TALDO1: variants seen among roughly 807,000 people sequenced by gnomAD.
TALDO1 encodes the protein transaldolase 1, also known as transaldolase.
A neutral mutation model predicts 38.1 loss-of-function variants in TALDO1; 29 were observed. That is an observed-to-expected ratio of 0.76 (90% confidence interval 0.57 to 1.04). TALDO1 has a LOEUF of 1.04. Among genes scored for constraint, TALDO1 ranks in the 50% least tolerant of loss-of-function variants. The probability of loss-of-function intolerance (pLI) is 0.00; values close to 1 mark genes in which losing one functional copy is unlikely to be tolerated. For synonymous variants in TALDO1, 207 were observed against 176.8 expected (o/e 1.17, Z -1.36); for missense variants, 499 against 438.1 (o/e 1.14, Z -1.24).
chr11:755,538 C>T (rs986286781), intron 1 of TALDO1, among the ~76,000 whole-genome samples: 1 of 152,150 alleles, frequency 6.6e-6, no homozygotes, highest in Non-Finnish European at 1.5e-5. Context: ...CTAGACCGCG[C>T]GCCTCCTTGT....
chr11:762,439 CTA>C (rs1862953684), intron 4 of TALDO1, among the ~76,000 whole-genome samples: 2 of 149,620 alleles, frequency 1.3e-5, no homozygotes, highest in Non-Finnish European at 3.0e-5. Context: ...ACATCTGCTG[CTA>C]TGAACACATC....
At position 763,593 on chromosome 11, in the gene TALDO1, G is replaced by T. The variant is rs889625335; in HGVS notation, c.637+74G>T. 1.4e-5 allele frequency: 22 copies of T among 1,597,394 alleles called. No individual in the cohort carries two copies. The Middle Eastern group carries it at 5.0e-4, about 36-fold the overall frequency. On this transcript the variant is annotated intron_variant, in intron 5 of 7. Coordinates refer to ENST00000319006, the MANE Select transcript of TALDO1 (RefSeq NM_006755.2). Reference sequence around the variant, plus strand: ...ACCTCAGGCAGGAAGAGCCCGAGACGGAGCTGCCGCATCAACAAGCAGTGA... The same window carrying T: ...ACCTCAGGCAGGAAGAGCCCGAGACTGAGCTGCCGCATCAACAAGCAGTGA...
Position 755,863 on chromosome 11 carries a change from A to G in TALDO1, c.98-16A>G, listed in dbSNP as rs1211056641. On this transcript the variant is annotated splice_polypyrimidine_tract_variant and intron_variant, in intron 1 of 7. Coordinates refer to ENST00000319006, the MANE Select transcript of TALDO1 (RefSeq NM_006755.2). ...AGTACTCCACTTACTTTGGCTTTTG[A>G]AAACTATTTCCCTAGCCATCGACGA... 4.3e-6 allele frequency: 7 copies of G among 1,614,136 alleles called. No individual in the cohort carries two copies. The highest frequency in any genetic ancestry group is 5.9e-6 in the Non-Finnish European group (7 of 1,180,030).
intron 1 of TALDO1, among the ~76,000 whole-genome samples, chr11:747,848 G>GCAGCCGTGAGGAGCTGGGGT (rs1438311505): frequency 2.0e-5 from 3 of 152,190 alleles, no homozygotes; most frequent in Non-Finnish European, 2.9e-5. Flanking sequence ...AGGGCCGGGG[G>GCAGCCGTGAGGAGCTGGGGT]CAGCCGTGAG....
intron 1 of TALDO1, among the ~76,000 whole-genome samples, chr11:753,953 G>A (rs932069712): frequency 1.0e-4 from 15 of 150,728 alleles, no homozygotes; most frequent in Admixed American, 3.3e-4. Flanking sequence ...TGGACGTTTT[G>A]AACTGTTTAG....
intron 5 of TALDO1, 109 bp downstream of exon 5, chr11:763,628 G>T: frequency 6.4e-7 from 1 of 1,571,946 alleles, no homozygotes; most frequent in Non-Finnish European, 8.8e-7. Flanking sequence ...AGGTGCACAG[G>T]TCGGCGCGGG....
chr11:753,719 G>A (rs1426685097), intron 1 of TALDO1, among the ~76,000 whole-genome samples: 1 of 151,730 alleles, frequency 6.6e-6, no homozygotes, highest in Non-Finnish European at 1.5e-5. Flanking sequence ...GCAAGACTCC[G>A]TCTCGGAAAA....
intron 1 of TALDO1, 21 bp downstream of exon 1, chr11:747,599 G>A (rs890454702): frequency 1.1e-5 from 17 of 1,548,546 alleles, no homozygotes; most frequent in Admixed American, 9.6e-5. Flanking sequence ...CGCGGAGCCC[G>A]GGCGCGGCGC....
intron 3 of TALDO1, among the ~76,000 whole-genome samples, chr11:759,346 C>G (rs751553223): frequency 5.3e-5 from 8 of 152,090 alleles, no homozygotes; most frequent in Non-Finnish European, 8.8e-5. Flanking sequence ...ACTGCAACCT[C>G]TGTCTCCCGG....
At chr11:747,690 G>A (rs1862685145) in intron 1 of TALDO1, 112 bp downstream of exon 1, 3 of 970,676 alleles carry the variant, frequency 3.1e-6, no homozygotes, top group Non-Finnish European at 4.4e-6. Flanking sequence ...GGTGCCCCGG[G>A]CGGCTCGTTC....
chr11:761,607 A>G (rs1862925476), intron 4 of TALDO1, among the ~76,000 whole-genome samples: 1 of 152,246 alleles, frequency 6.6e-6, no homozygotes, highest in African/African-American at 2.4e-5. Context: ...AGCCAATGCT[A>G]TACTCAAATA....
chr11:752,180 C>G (rs962797932), intron 1 of TALDO1: 3 of 152,052 alleles, frequency 2.0e-5, no homozygotes, highest in African/African-American at 4.8e-5. Flanking sequence ...CGCCATTCTT[C>G]TGCCTCAGCC....
chr11:764,918 A>C lies in TALDO1; in HGVS notation c.*73A>C. 1 of 1,601,888 alleles carries C rather than the reference A, an allele frequency of 6.2e-7. No individual in the cohort carries two copies. Among genetic ancestry groups the C allele is most frequent in the Non-Finnish European group, 8.5e-7 (1 of 1,170,200 alleles). ...ATCTGACTGCACGTGGCTTCTGATG[A>C]ATCTTGCGTTTTTTACAAATTGGAG... On this transcript the variant is annotated 3_prime_UTR_variant, in exon 8 of 8. Coordinates refer to ENST00000319006, the MANE Select transcript of TALDO1 (RefSeq NM_006755.2).
At chr11:756,708 G>T (rs1162906830) in intron 2 of TALDO1, among the ~76,000 whole-genome samples, 1 of 152,086 alleles carries the variant, frequency 6.6e-6, no homozygotes, top group Non-Finnish European at 1.5e-5. Context: ...GGTGGAGACA[G>T]GGTTTCACCA....
rs1240149971 is a variant in TALDO1 at position 764,313 on chromosome 11, C to T, written c.861C>T (p.Ile287=). ...KAAQASDLEK[I]HLDEKSFRWL... ...CCCAAGCCAGTGACCTGGAAAAAAT[C>T]CACCTGGATGAGAAGTCTTTCCGTT... Residue 287 remains isoleucine (I), a synonymous_variant, in exon 7 of 8, where the codon ATC becomes ATT. Transcript: ENST00000319006. 3 of 1,614,234 alleles carry T rather than the reference C, an allele frequency of 1.9e-6. No individual in the cohort carries two copies. The highest frequency in any genetic ancestry group is 2.5e-6 in the Non-Finnish European group (3 of 1,180,044).
intron 2 of TALDO1, among the ~76,000 whole-genome samples, chr11:757,598 C>T (rs1444165043): frequency 6.6e-6 from 1 of 152,094 alleles, no homozygotes; most frequent in Non-Finnish European, 1.5e-5. Context: ...CCAGTCTGGC[C>T]CAAGAATTCT....
chr11:763,976 C>T (rs769637290), intron 6 of TALDO1, 32 bp downstream of exon 6: 1 of 1,600,936 alleles, frequency 6.2e-7, no homozygotes, highest in South Asian at 1.1e-5. Context: ...GTGGCTCCTG[C>T]TCGGGCAAGG....
intron 1 of TALDO1, among the ~76,000 whole-genome samples, chr11:750,399 G>A (rs1480630099): frequency 6.6e-6 from 1 of 151,878 alleles, no homozygotes; most frequent in Non-Finnish European, 1.5e-5. Context: ...GAGTTGGGAG[G>A]ATCACTTAAG....
intron 2 of TALDO1, 43 bp downstream of exon 2, chr11:756,045 C>T: frequency 6.3e-7 from 1 of 1,597,514 alleles, no homozygotes; most frequent in Non-Finnish European, 8.5e-7. Context: ...GGCCCTCGTG[C>T]TAGTCTAGTT....
Sources: gnomAD v4.1 joint callset for allele counts (sites outside exome capture counted in the v4.1 genomes callset) on GRCh38, gnomAD v4.1.1 for gene constraint, MANE v1.5 for transcripts, NCBI Gene and HGNC (gene_info 2026-07-23, HGNC 2026-07-21) for gene names.